Variants in ZNF652 observed in about 807,000 individuals in gnomAD.
ZNF652 encodes the protein zinc finger protein 652.
ZNF652 carries 16 observed loss-of-function variants against 45.2 expected under a neutral mutation model. That is an observed-to-expected ratio of 0.35 (90% CI 0.24 to 0.54). ZNF652 has a LOEUF of 0.54. ZNF652 is among the 20% of genes least tolerant of loss of function. The probability of loss-of-function intolerance (pLI) is 0.91; values close to 1 mark genes in which losing one functional copy is unlikely to be tolerated. For missense variants in ZNF652, 614 were observed against 765.6 expected, an observed-to-expected ratio of 0.80 and a Z score of 2.34; for synonymous variants, 250 against 260.6, an observed-to-expected ratio of 0.96 and a Z score of 0.39.
At chr17:49,314,136 T>C (rs916619609) in intron 2 of ZNF652, among the ~76,000 whole-genome samples, 2 of 152,006 alleles carry the variant, frequency 1.3e-5, no homozygotes, top group Non-Finnish European at 1.5e-5. Flanking sequence ...TCTGAACTCT[T>C]AGTATTACTC....
At chr17:49,350,373 T>C (rs920154113) in intron 1 of ZNF652, among the ~76,000 whole-genome samples, 2 of 151,540 alleles carry the variant, frequency 1.3e-5, no homozygotes, top group Non-Finnish European at 1.5e-5. Flanking sequence ...ATCCTGTCTC[T>C]ACTAAAAATA....
chr17:49,361,741 C>G (rs1326736791), intron 1 of ZNF652, among the ~76,000 whole-genome samples, 168 bp downstream of exon 1: 1 of 152,044 alleles, frequency 6.6e-6, no homozygotes, highest in Non-Finnish European at 1.5e-5. Context: ...CGCCCGGGGC[C>G]TCCCAGCCGG....
chr17:49,347,062 G>A (rs1168977597), intron 1 of ZNF652, among the ~76,000 whole-genome samples: 1 of 152,190 alleles, frequency 6.6e-6, no homozygotes, highest in Non-Finnish European at 1.5e-5. Flanking sequence ...GGATTAATAA[G>A]AGTCATGGAT....
intron 1 of ZNF652, among the ~76,000 whole-genome samples, chr17:49,352,533 T>A (rs764709617): frequency 6.6e-6 from 1 of 152,168 alleles, no homozygotes; most frequent in Non-Finnish European, 1.5e-5. Context: ...GTGGAACAAG[T>A]AGAATTTTTA....
At chr17:49,352,477 G>C (rs1047766030) in intron 1 of ZNF652, among the ~76,000 whole-genome samples, 1 of 152,172 alleles carries the variant, frequency 6.6e-6, no homozygotes, top group African/African-American at 2.4e-5. Context: ...TCAAAATGAA[G>C]TATTCCTACA....
At chr17:49,341,180 T>G (rs1201575059) in intron 1 of ZNF652, among the ~76,000 whole-genome samples, 1 of 151,966 alleles carries the variant, frequency 6.6e-6, no homozygotes, top group Non-Finnish European at 1.5e-5. Context: ...ATCAGGCCAC[T>G]GTACTCTAGA....
rs2069421328 is a variant in ZNF652, at chr17:49,292,796, T to C, written c.*5617A>G. On this transcript the variant is annotated 3_prime_UTR_variant, in exon 6 of 6. Coordinates refer to ENST00000430262, the MANE Select transcript of ZNF652 (RefSeq NM_001145365.3). ...AATATGTGAAGAAATAAGATATAAATAAAAGTTAAAAATATAACCTAAAAA... is the reference window on the plus strand; with the variant it reads ...AATATGTGAAGAAATAAGATATAAACAAAAGTTAAAAATATAACCTAAAAA... Among the ~76,000 whole-genome samples the C allele has an allele frequency of 6.6e-6, 1 of 152,078 alleles. No individual in the cohort carries two copies. Among genetic ancestry groups the C allele is most frequent in the Non-Finnish European group, 1.5e-5 (1 of 67,986 alleles).
chr17:49,311,334 G>A lies in ZNF652; in HGVS notation c.1287C>T (p.Asp429=), dbSNP rs369182611. Residue 429 remains aspartate (D), a synonymous_variant, in exon 5 of 6, where the codon GAC becomes GAT. Coordinates refer to ENST00000430262, the MANE Select transcript of ZNF652 (RefSeq NM_001145365.3). ...TACCAGTGTGTGTTTTCATGTGTTC[G>A]TCGAAGTACTGCTTCATGTTGAAAT... ...GKDFNMKQYF[D]EHMKTHTGEK... is the part of the protein sequence containing the mutation. 4.2e-5 allele frequency: 68 copies of A among 1,613,988 alleles called. No individual in the cohort carries two copies. The African/African-American group carries it at 6.9e-4, about 16-fold the overall frequency.
In ZNF652 at chr17:49,327,753, ATATATATATATATATATATATATATATT is replaced by A. The variant is rs1567690412; in HGVS notation, c.-258-9798_-258-9771del. Among the ~76,000 whole-genome samples the A allele has an allele frequency of 3.0e-3, 53 of 17,810 alleles. 2 individuals are homozygous for A. Among genetic ancestry groups the A allele is most frequent in the African/African-American group, 6.0e-3 (18 of 2,998 alleles). 11.7% of individuals were successfully genotyped at this position (17,810 alleles called of 152,430 possible). A position where few individuals can be genotyped will look rare whatever the true frequency, so the allele number is the denominator to read the frequency against. On this transcript the variant is annotated intron_variant, in intron 1 of 5. Coordinates refer to ENST00000430262, the MANE Select transcript of ZNF652 (RefSeq NM_001145365.3). ...TAAATATATATATATATATATATAT[ATATATATATATATATATATATATATATT>A]TTTTTTTTTTTTTTTTAGTAGAGAT...
intron 1 of ZNF652, among the ~76,000 whole-genome samples, chr17:49,323,840 G>T (rs1001020826): frequency 6.6e-6 from 1 of 152,090 alleles, no homozygotes; most frequent in African/African-American, 2.4e-5. Context: ...AGTAAACCAC[G>T]CTATAAACAG....
Position 49,293,919 on chromosome 17 carries a change from T to C in ZNF652, c.*4494A>G, listed in dbSNP as rs935576071. Among the ~76,000 whole-genome samples the C allele has an allele frequency of 2.0e-5, 3 of 152,156 alleles. No homozygotes were observed. Among genetic ancestry groups the C allele is most frequent in the Non-Finnish European group, 4.4e-5 (3 of 68,014 alleles). On this transcript the variant is annotated 3_prime_UTR_variant, in exon 6 of 6. Coordinates refer to ENST00000430262, the MANE Select transcript of ZNF652 (RefSeq NM_001145365.3). ...ACCAGCAATGCAATAAAAGTTGTCT[T>C]TTCTATACAGTAGCTCAAACAGAAA...
At position 49,317,841 on chromosome 17, in the gene ZNF652, A is replaced by C; in HGVS notation, c.-116T>G. The stretch of plus-strand genomic sequence containing the variant: ...CACAAAGAATCACTCAAATGAAAAA[A>C]AGATATTCCTGGAAACTGTGTGCAA... On this transcript the variant is annotated 5_prime_UTR_variant, in exon 2 of 6. Coordinates refer to ENST00000430262, the MANE Select transcript of ZNF652 (RefSeq NM_001145365.3). The C allele has an allele frequency of 8.7e-7, 1 of 1,149,612 alleles. No individual in the cohort carries two copies. The highest frequency in any genetic ancestry group is 1.2e-6 in the Non-Finnish European group (1 of 846,644). 71.2% of individuals were successfully genotyped at this position (1,149,612 alleles called of 1,614,324 possible). A position where few individuals can be genotyped will look rare whatever the true frequency, so the allele number is the denominator to read the frequency against.
intron 5 of ZNF652, among the ~76,000 whole-genome samples, chr17:49,306,239 A>T (rs963013396): frequency 6.6e-6 from 1 of 152,270 alleles, no homozygotes; most frequent in Non-Finnish European, 1.5e-5. Context: ...AAATTAAAAA[A>T]GTCAAACACT....
chr17:49,305,199 T>C (rs1290003726), intron 5 of ZNF652, among the ~76,000 whole-genome samples: 1 of 152,176 alleles, frequency 6.6e-6, no homozygotes, highest in Non-Finnish European at 1.5e-5. Context: ...AACAAATAAA[T>C]TTTAAAAAGT....
intron 1 of ZNF652, among the ~76,000 whole-genome samples, chr17:49,318,807 C>A (rs569026216): frequency 3.9e-5 from 6 of 152,166 alleles, no homozygotes; most frequent in Non-Finnish European, 8.8e-5. Flanking sequence ...GCATTGTGGT[C>A]CCCGGAAATA....
chr17:49,299,337 C>T (rs2069520971), intron 5 of ZNF652, among the ~76,000 whole-genome samples: 1 of 152,178 alleles, frequency 6.6e-6, no homozygotes, highest in African/African-American at 2.4e-5. Flanking sequence ...CTAGATGACT[C>T]TTTGCCTTTA....
chr17:49,342,801 T>C (rs2070163627), intron 1 of ZNF652, among the ~76,000 whole-genome samples: 1 of 152,088 alleles, frequency 6.6e-6, no homozygotes, highest in Admixed American at 6.6e-5. Flanking sequence ...ATTTGCTCAC[T>C]GGCACAACAA....
Position 49,332,572 on chromosome 17 carries a change from G to A in ZNF652, c.-258-14589C>T, listed in dbSNP as rs2070036172. Among the ~76,000 whole-genome samples, 3 of 152,104 alleles carry A rather than the reference G, an allele frequency of 2.0e-5. No individual in the cohort carries two copies. The East Asian group carries it at 5.8e-4, about 29-fold the overall frequency. On this transcript the variant is annotated intron_variant, in intron 1 of 5. Transcript: ENST00000430262. ...CACCTATTCCCAGAAATCCATCCAA[G>A]GATTCTCTAGGGGTCCCAAAACCCC...
chr17:49,317,583 G>A lies in ZNF652; in HGVS notation c.143C>T (p.Thr48Ile). The A allele has an allele frequency of 6.2e-7, 1 of 1,614,102 alleles. No homozygotes were observed. The highest frequency in any genetic ancestry group is 8.5e-7 in the Non-Finnish European group (1 of 1,180,020). ...HGANQELDLS[T>I]KVYKRESGSP... ...TCCTGATTCCCTTTTGTACACTTTG[G>A]TGGACAGGTCAAGTTCTTGGTTGGC... Residue 48 changes from threonine to isoleucine, a missense_variant, in exon 2 of 6, where the codon ACC becomes ATC. Thr to Ile is a moderately conservative substitution (Grantham distance 89, BLOSUM62 -1). Around this residue, in one of 5 missense-constraint regions of ZNF652, gnomAD observed 133 missense variants for 132.2 expected, o/e 1.01. Transcript: ENST00000430262.
Sources: allele counts gnomAD v4.1 joint callset (sites outside exome capture counted in the v4.1 genomes callset), GRCh38; gene constraint gnomAD v4.1.1; regional missense constraint gnomAD v4.1.1; transcripts MANE v1.5; gene names NCBI Gene and HGNC (gene_info 2026-07-23, HGNC 2026-07-21).